The following FGFR2 variants were observed in gnomAD, a reference collection of about 807,000 sequenced individuals.
FGFR2 encodes fibroblast growth factor receptor 2.
FGFR2 carries 19 observed loss-of-function variants against 95.9 expected under a neutral mutation model. The observed-to-expected ratio is 0.20, with a 90% CI of 0.14 to 0.29. FGFR2 has a LOEUF of 0.29. FGFR2 is among the 10% of genes least tolerant of loss of function. The probability of loss-of-function intolerance (pLI) is 1.00; values close to 1 mark genes in which losing one functional copy is unlikely to be tolerated. For missense variants in FGFR2, 707 were observed against 1,056.9 expected (o/e 0.67, Z 4.59); for synonymous variants, 392 against 393.3 (o/e 1.00, Z 0.04).
chr10:121,567,634 A>G (rs1857884004), intron 2 of FGFR2, among the ~76,000 whole-genome samples: 1 of 152,252 alleles, frequency 6.6e-6, no homozygotes, highest in Non-Finnish European at 1.5e-5. Flanking sequence ...AGGAAGAAGG[A>G]CATGGCAAGG....
At chr10:121,566,640 G>A (rs1857711745) in intron 2 of FGFR2, among the ~76,000 whole-genome samples, 2 of 152,082 alleles carry the variant, frequency 1.3e-5, no homozygotes, top group Non-Finnish European at 1.5e-5. Context: ...CCCCCTGGGC[G>A]GAAGAGCACT....
intron 4 of FGFR2, among the ~76,000 whole-genome samples, chr10:121,556,705 G>A (rs1355215752): frequency 6.6e-6 from 1 of 152,120 alleles, no homozygotes; most frequent in Non-Finnish European, 1.5e-5. Flanking sequence ...AAAAGTTCAA[G>A]ATTTATGTGA....
chr10:121,551,514 A>G (rs2134847519), intron 4 of FGFR2, 55 bp from the exon 5 acceptor site: 10 of 1,518,324 alleles, frequency 6.6e-6, no homozygotes, highest in Non-Finnish European at 9.1e-6. Flanking sequence ...CCCCTCCATG[A>G]GTAAACTCCA....
chr10:121,505,590 A>G (rs572081956), intron 9 of FGFR2, among the ~76,000 whole-genome samples: 1 of 152,176 alleles, frequency 6.6e-6, no homozygotes, highest in Non-Finnish European at 1.5e-5. Flanking sequence ...AAAGACGAGA[A>G]GGTAAATGTG....
intron 4 of FGFR2, among the ~76,000 whole-genome samples, chr10:121,559,139 A>G (rs1008800060): frequency 5.9e-5 from 9 of 151,906 alleles, no homozygotes; most frequent in Admixed American, 4.6e-4. Flanking sequence ...AAAAACTCAA[A>G]AAAGCCCAAA....
chr10:121,546,434 CTATTA>C (rs1307371364), intron 5 of FGFR2, among the ~76,000 whole-genome samples: 2 of 152,162 alleles, frequency 1.3e-5, no homozygotes, highest in Non-Finnish European at 2.9e-5. Context: ...AAGTCCTTTA[CTATTA>C]TATCAATCAC....
chr10:121,491,487 T>A (rs996673057), intron 13 of FGFR2, among the ~76,000 whole-genome samples: 7 of 152,134 alleles, frequency 4.6e-5, no homozygotes, highest in Admixed American at 2.0e-4. Flanking sequence ...CTGTGCCCAG[T>A]ATGGCTGATG....
chr10:121,483,076 C>A (rs528515852), intron 17 of FGFR2, among the ~76,000 whole-genome samples: 1 of 152,034 alleles, frequency 6.6e-6, no homozygotes, highest in African/African-American at 2.4e-5. Context: ...GGATTACAGG[C>A]GAGAGCATAA....
At chr10:121,567,971 C>G (rs546977204) in intron 2 of FGFR2, among the ~76,000 whole-genome samples, 2 of 152,080 alleles carry the variant, frequency 1.3e-5, no homozygotes, top group African/African-American at 2.4e-5. Context: ...AAGGACAAAG[C>G]GAAGTTTAAA....
intron 1 of FGFR2, 72 bp from the exon 2 acceptor site, chr10:121,594,039 A>C: frequency 1.6e-6 from 1 of 620,480 alleles, no homozygotes; most frequent in Non-Finnish European, 2.9e-6. Flanking sequence ...GTGGGATAAA[A>C]CCATTTTTCA....
At chr10:121,492,600 G>A (rs1011673568) in intron 13 of FGFR2, among the ~76,000 whole-genome samples, 1 of 152,228 alleles carries the variant, frequency 6.6e-6, no homozygotes, top group Admixed American at 6.5e-5. Flanking sequence ...ATTGTGAGGG[G>A]ATGGGTGTGG....
intron 9 of FGFR2, among the ~76,000 whole-genome samples, chr10:121,507,887 T>C (rs575475555): frequency 6.6e-6 from 1 of 152,284 alleles, no homozygotes; most frequent in African/African-American, 2.4e-5. Flanking sequence ...GCATTCATGG[T>C]TTCAACCAAT....
chr10:121,575,440 G>T (rs1300704975), intron 2 of FGFR2, among the ~76,000 whole-genome samples: 1 of 152,156 alleles, frequency 6.6e-6, no homozygotes, highest in East Asian at 1.9e-4. Context: ...CCCAACACGT[G>T]TATTAAAGTC....
intron 6 of FGFR2, among the ~76,000 whole-genome samples, chr10:121,525,105 T>C (rs1376823875): frequency 6.6e-6 from 1 of 152,218 alleles, no homozygotes; most frequent in African/African-American, 2.4e-5. Context: ...GGGAGTGAGA[T>C]AAACACATGG....
chr10:121,530,783 G>A (rs1269593259), intron 6 of FGFR2, among the ~76,000 whole-genome samples: 2 of 152,086 alleles, frequency 1.3e-5, no homozygotes, highest in African/African-American at 2.4e-5. Context: ...ACTGTTTTTT[G>A]ATTATTTCAA....
At chr10:121,528,383 G>A (rs1052633074) in intron 6 of FGFR2, among the ~76,000 whole-genome samples, 5 of 151,826 alleles carry the variant, frequency 3.3e-5, no homozygotes, top group African/African-American at 7.3e-5. Context: ...TACTACATCC[G>A]TGAAAGAAGA....
chr10:121,564,469 C>T (rs1590005838), intron 4 of FGFR2, 33 bp downstream of exon 4: 1 of 1,592,312 alleles, frequency 6.3e-7, no homozygotes, highest in Non-Finnish European at 8.6e-7. Flanking sequence ...ATGCTCCTCT[C>T]TCGGGGACCA....
In FGFR2 at chr10:121,542,608, G is replaced by A. The variant is rs937375280; in HGVS notation, c.625-3893C>T. ...GCCAAGTAACAGAACAGGAGAGCAT[G>A]GACTTCAAAACTATGTTCACTAAAG... On this transcript the variant is annotated intron_variant, in intron 5 of 17. Coordinates refer to ENST00000358487, the MANE Select transcript of FGFR2 (RefSeq NM_000141.5). 4.6e-5 allele frequency among the ~76,000 whole-genome samples: 7 copies of A among 152,106 alleles called. No homozygotes were observed. The East Asian group carries it at 1.3e-3, about 29-fold the overall frequency.
rs1336957390 is a variant in FGFR2 at position 121,478,776 on chromosome 10, C to T, written c.*1081G>A. 4.3e-6 allele frequency: 1 copy of T among 233,636 alleles called. No homozygotes were observed. The highest frequency in any genetic ancestry group is 8.5e-6 in the Non-Finnish European group (1 of 118,000). The allele number at this position is 233,636 out of a possible 1,614,324, so 14.5% of individuals were successfully genotyped here. ...CAAAATTCACTGAAGAGAATACAGG[C>T]TAATCTGATTAATGTGCAACTCAGA... On this transcript the variant is annotated 3_prime_UTR_variant, in exon 18 of 18. Coordinates refer to ENST00000358487, the MANE Select transcript of FGFR2 (RefSeq NM_000141.5).
Sources: allele counts gnomAD v4.1 joint callset (sites outside exome capture counted in the v4.1 genomes callset), GRCh38; gene constraint gnomAD v4.1.1; transcripts MANE v1.5; gene names NCBI Gene and HGNC (gene_info 2026-07-23, HGNC 2026-07-21).